SOBP: variants seen among roughly 807,000 people sequenced by gnomAD.
The protein encoded by SOBP is sine oculis-binding protein homolog.
A neutral mutation model predicts 53.6 loss-of-function variants in SOBP; 4 were observed. That is an observed-to-expected ratio of 0.07 (90% CI 0.04 to 0.17). The LOEUF is 0.17. Ranked by LOEUF, SOBP falls within the 10% of genes least tolerant of loss-of-function variation. The probability of loss-of-function intolerance (pLI) is 1.00; values close to 1 mark genes in which losing one functional copy is unlikely to be tolerated. For missense variants in SOBP, 1,088 were observed against 1,204.7 expected (o/e 0.90, Z 1.43); for synonymous variants, 584 against 522.6 (o/e 1.12, Z -1.60).
intron 5 of SOBP, among the ~76,000 whole-genome samples, chr6:107,591,971 T>TG (rs1785768348): frequency 1.5e-5 from 1 of 68,006 alleles, no homozygotes; most frequent in South Asian, 6.7e-4. Context: ...TTTTGGTGTT[T>TG]TTTTTTTTTT....
At chr6:107,506,815 G>A (rs1783008067) in intron 3 of SOBP, among the ~76,000 whole-genome samples, 1 of 151,938 alleles carries the variant, frequency 6.6e-6, no homozygotes, top group Admixed American at 6.6e-5. Context: ...CTGCACTTTG[G>A]GAGGCTGAGG....
At chr6:107,509,528 G>T (rs1001727220) in intron 3 of SOBP, among the ~76,000 whole-genome samples, 1 of 151,664 alleles carries the variant, frequency 6.6e-6, no homozygotes, top group Non-Finnish European at 1.5e-5. Flanking sequence ...TGCATAAAAA[G>T]GTGTGCATCC....
At chr6:107,557,886 A>G (rs569380134) in intron 4 of SOBP, 49 of 152,288 alleles carry the variant, frequency 3.2e-4, no homozygotes, top group Non-Finnish European at 7.4e-5. Context: ...ACCAAGGAGG[A>G]TGAGCAGAAG....
At chr6:107,588,493 T>C (rs1249889968) in intron 5 of SOBP, among the ~76,000 whole-genome samples, 1 of 152,252 alleles carries the variant, frequency 6.6e-6, no homozygotes, top group African/African-American at 2.4e-5. Flanking sequence ...TAGCATTACC[T>C]ATTCTGAGGA....
At chr6:107,494,153 T>C (rs1430425483) in intron 1 of SOBP, among the ~76,000 whole-genome samples, 2 of 152,210 alleles carry the variant, frequency 1.3e-5, no homozygotes, top group Non-Finnish European at 2.9e-5. Flanking sequence ...TTACAATTAG[T>C]CTGCCTTATT....
intron 4 of SOBP, among the ~76,000 whole-genome samples, chr6:107,572,075 AT>A (rs1785088729): frequency 1.3e-5 from 2 of 152,348 alleles, no homozygotes; most frequent in African/African-American, 4.8e-5. Flanking sequence ...GTTCTCACTT[AT>A]GCAGAAGAAA....
At chr6:107,520,578 T>C (rs1158802620) in intron 3 of SOBP, among the ~76,000 whole-genome samples, 1 of 152,188 alleles carries the variant, frequency 6.6e-6, no homozygotes, top group African/African-American at 2.4e-5. Context: ...GTAGCTAGGA[T>C]AATACTTTCA....
At chr6:107,588,113 T>C (rs1417578147) in intron 5 of SOBP, among the ~76,000 whole-genome samples, 3 of 152,180 alleles carry the variant, frequency 2.0e-5, no homozygotes, top group Non-Finnish European at 4.4e-5. Flanking sequence ...CATTTTGAGG[T>C]AGTCTAATTT....
At chr6:107,572,304 CT>C (rs5878919) in intron 4 of SOBP, among the ~76,000 whole-genome samples, 14,646 of 140,344 alleles carry the variant, frequency 0.1, 1,749 homozygotes, top group African/African-American at 0.3. Context: ...AATTTGCACA[CT>C]TTTTTTTTTT....
At chr6:107,540,884 G>C (rs1183505359) in intron 4 of SOBP, among the ~76,000 whole-genome samples, 2 of 152,132 alleles carry the variant, frequency 1.3e-5, no homozygotes, top group Non-Finnish European at 2.9e-5. Flanking sequence ...GCCCAGAAAT[G>C]ACATAATCTT....
At chr6:107,631,244 G>T (rs1169234351) in intron 5 of SOBP, among the ~76,000 whole-genome samples, 2 of 152,068 alleles carry the variant, frequency 1.3e-5, no homozygotes, top group East Asian at 3.9e-4. Context: ...GCCAGAAAAT[G>T]GGTATATTAT....
intron 6 of SOBP, among the ~76,000 whole-genome samples, chr6:107,648,246 CT>C (rs1320915788): frequency 6.6e-6 from 1 of 152,136 alleles, no homozygotes; most frequent in African/African-American, 2.4e-5. Context: ...AAACATCTGG[CT>C]TTTTTGTCAC....
chr6:107,578,093 A>G (rs79623719), intron 4 of SOBP, among the ~76,000 whole-genome samples: 1,787 of 132,716 alleles, frequency 0.013, 42 homozygotes, highest in African/African-American at 0.044. Context: ...AAAAAAAAAA[A>G]AAGAAGAAGT....
rs189821199 is a variant in SOBP, at chr6:107,591,917, A to G, written c.669+4742A>G. The stretch of plus-strand genomic sequence containing the variant: ...CACCCCCTCCCACTTTTTTTGCTGT[A>G]CTGTTCTGAAGTATGTATGCTTTTG... On this transcript the variant is annotated intron_variant, in intron 5 of 6. Coordinates refer to ENST00000317357, the MANE Select transcript of SOBP (RefSeq NM_018013.4). Among the ~76,000 whole-genome samples, 17 of 145,400 alleles carry G rather than the reference A, an allele frequency of 1.2e-4. No individual in the cohort carries two copies. In the East Asian group the frequency reaches 3.4e-3, roughly 29 times the overall value.
intron 1 of SOBP, among the ~76,000 whole-genome samples, chr6:107,501,890 G>A (rs1221272106): frequency 1.3e-5 from 2 of 152,134 alleles, no homozygotes; most frequent in African/African-American, 2.4e-5. Context: ...ATGTGGACAC[G>A]ACCAGCCATC....
intron 1 of SOBP, among the ~76,000 whole-genome samples, chr6:107,495,847 A>G (rs1175348581): frequency 6.6e-6 from 1 of 152,110 alleles, no homozygotes; most frequent in Non-Finnish European, 1.5e-5. Context: ...AAATTATTAC[A>G]AGTAGTAGAA....
intron 1 of SOBP, among the ~76,000 whole-genome samples, chr6:107,502,345 T>C (rs1236305532): frequency 1.3e-5 from 2 of 152,182 alleles, no homozygotes; most frequent in Admixed American, 1.3e-4. Context: ...TATATAGTTT[T>C]TCTGGCTCAG....
At position 107,506,167 on chromosome 6, in the gene SOBP, A is replaced by G. The variant is rs886481695; in HGVS notation, c.236-75A>G. 7.4e-6 allele frequency: 10 copies of G among 1,348,128 alleles called. No individual in the cohort carries two copies. The South Asian group carries it at 1.1e-4, about 14-fold the overall frequency. 83.5% of individuals were successfully genotyped at this position (1,348,128 alleles called of 1,614,324 possible). A position where few individuals can be genotyped will look rare whatever the true frequency, so the allele number is the denominator to read the frequency against. ...GTTGGGTTCATGGCCATTTTACTTG[A>G]GAAAATAAGGAAAAATTTAAGTCTA... On this transcript the variant is annotated intron_variant, in intron 2 of 6. Coordinates refer to ENST00000317357, the MANE Select transcript of SOBP (RefSeq NM_018013.4).
At chr6:107,492,081 G>T (rs1017948388) in intron 1 of SOBP, among the ~76,000 whole-genome samples, 3 of 152,194 alleles carry the variant, frequency 2.0e-5, no homozygotes, top group Admixed American at 1.3e-4. Flanking sequence ...TGCAGCATGA[G>T]TCCAACGGAG....
Sources: gnomAD v4.1 joint callset for allele counts (sites outside exome capture counted in the v4.1 genomes callset) on GRCh38, gnomAD v4.1.1 for gene constraint, MANE v1.5 for transcripts, NCBI Gene and HGNC (gene_info 2026-07-23, HGNC 2026-07-21) for gene names.